Variants in UGT2B7 observed in about 807,000 individuals in gnomAD.
UGT2B7 encodes UDP glucuronosyltransferase family 2 member B7.
Under a neutral mutation model 51.9 loss-of-function variants are expected in UGT2B7, and 51 were observed. The observed-to-expected ratio is 0.98, with a 90% CI of 0.78 to 1.24. UGT2B7 has a LOEUF of 1.24. Among genes scored for constraint, UGT2B7 ranks in the 50% most tolerant of loss-of-function variants. UGT2B7 has a pLI of 0.00. For synonymous variants in UGT2B7, 225 were observed against 211.6 expected, an observed-to-expected ratio of 1.06 and a Z score of -0.55; for missense variants, 727 against 628.4, an observed-to-expected ratio of 1.16 and a Z score of -1.68.
chr4:69,064,291 C>T (rs1169656027), intron 1 of UGT2B7, among the ~76,000 whole-genome samples: 2 of 152,162 alleles, frequency 1.3e-5, no homozygotes, highest in Non-Finnish European at 2.9e-5. Context: ...TAGACCCTCC[C>T]AAAACTCCTT....
At chr4:69,095,865 C>G (rs956465960), upstream of UGT2B7, among the ~76,000 whole-genome samples, 1 of 151,978 alleles carries the variant, frequency 6.6e-6, no homozygotes, top group Non-Finnish European at 1.5e-5. Flanking sequence ...TTGTATGATT[C>G]TATGCATTAA....
intron 1 of UGT2B7, among the ~76,000 whole-genome samples, chr4:69,069,300 T>C (rs1303132353): frequency 6.6e-6 from 1 of 152,072 alleles, no homozygotes; most frequent in African/African-American, 2.4e-5. Context: ...TGATATTATT[T>C]TGAAACTTGT....
chr4:69,066,903 G>A (rs557739716), intron 1 of UGT2B7, among the ~76,000 whole-genome samples: 2 of 152,012 alleles, frequency 1.3e-5, no homozygotes, highest in Middle Eastern at 3.4e-3. Flanking sequence ...GTAAATCCTC[G>A]GTCTTTATCA....
intron 1 of UGT2B7, among the ~76,000 whole-genome samples, chr4:69,076,922 T>A (rs763658082): frequency 1.3e-5 from 2 of 152,114 alleles, no homozygotes; most frequent in Non-Finnish European, 2.9e-5. Flanking sequence ...TTAGGTCTTA[T>A]GTGTAAGTCT....
At chr4:69,072,792 A>G (rs993493283) in intron 1 of UGT2B7, among the ~76,000 whole-genome samples, 2 of 152,122 alleles carry the variant, frequency 1.3e-5, no homozygotes, top group Non-Finnish European at 2.9e-5. Context: ...CAGGATCCTG[A>G]TTCAGTATCA....
chr4:69,082,279 C>T lies in UGT2B7; in HGVS notation c.-158-7193C>T, dbSNP rs115241357. ...GGTCCCTAAGTAGAAGGGAGAGTACCACATCTTTCACTTTAAATCAAAAGC... is the reference window on the plus strand; with the variant it reads ...GGTCCCTAAGTAGAAGGGAGAGTACTACATCTTTCACTTTAAATCAAAAGC... On this transcript the variant is annotated intron_variant, in intron 1 of 5. Coordinates refer to the UGT2B7 transcript ENST00000502942. Among the ~76,000 whole-genome samples, 623 of 151,654 alleles carry T rather than the reference C, an allele frequency of 4.1e-3. 2 individuals are homozygous for T. The highest frequency in any genetic ancestry group is 0.015 in the African/African-American group (608 of 41,328).
intron 1 of UGT2B7, among the ~76,000 whole-genome samples, chr4:69,067,990 G>A (rs1328639301): frequency 6.6e-6 from 1 of 152,038 alleles, no homozygotes; most frequent in Non-Finnish European, 1.5e-5. Context: ...CTTTCAGAAT[G>A]AGAACTCATC....
chr4:69,104,017 G>A (rs6600886), intron 3 of UGT2B7, among the ~76,000 whole-genome samples: 90,029 of 151,960 alleles, frequency 0.59, 28,039 homozygotes, highest in African/African-American at 0.77. Context: ...GGCCAGGCAC[G>A]GTAGCTCACG....
intron 1 of UGT2B7, among the ~76,000 whole-genome samples, chr4:69,062,640 G>A (rs556279789): frequency 3.9e-5 from 6 of 152,172 alleles, no homozygotes. Flanking sequence ...CATCTGACCC[G>A]AATGATCCTG....
chr4:69,053,869 C>T (rs895573878), intron 1 of UGT2B7, among the ~76,000 whole-genome samples: 7 of 152,054 alleles, frequency 4.6e-5, no homozygotes, highest in African/African-American at 1.7e-4. Flanking sequence ...TGCTTTAGTC[C>T]ATTTGGCTAT....
rs368996841 is a variant in UGT2B7 at position 69,097,221 on chromosome 4, A to G, written c.701A>G (p.Gln234Arg). 2 of 1,610,294 alleles carry G rather than the reference A, an allele frequency of 1.2e-6. No individual in the cohort carries two copies. The highest frequency in any genetic ancestry group is 1.3e-5 in the African/African-American group (1 of 74,652). The change falls in exon 1 of 6, where the codon CAG becomes CGG. Residue 234 changes from glutamine (Q) to arginine (R), a missense_variant. Gln to Arg is a conservative substitution (Grantham distance 43). Coordinates refer to ENST00000305231, the MANE Select transcript of UGT2B7 (RefSeq NM_001074.4). Reference protein sequence around the residue: ...FEIFDMKKWDQFYSEVLGRPT... With the variant: ...FEIFDMKKWDRFYSEVLGRPT... The stretch of plus-strand genomic sequence containing the variant: ...ATATTTGACATGAAGAAGTGGGATC[A>G]GTTTTATAGTGAAGTTCTAGGTAAG...
At chr4:69,056,371 G>A (rs560311324) in intron 1 of UGT2B7, among the ~76,000 whole-genome samples, 9 of 152,148 alleles carry the variant, frequency 5.9e-5, no homozygotes, top group Non-Finnish European at 1.3e-4. Context: ...GTTCTTGCCC[G>A]TCAAGAGACT....
chr4:69,097,689 T>C (rs1719287249), intron 1 of UGT2B7, among the ~76,000 whole-genome samples: 1 of 152,056 alleles, frequency 6.6e-6, no homozygotes, highest in African/African-American at 2.4e-5. Context: ...CAAAAGATGT[T>C]CCCATATTAC....
rs1719465207 is a variant in UGT2B7 at position 69,102,859 on chromosome 4, C to T, written c.923C>T (p.Ser308Phe). The change falls in exon 3 of 6, where the codon TCT becomes TTT. Residue 308 changes from serine to phenylalanine, a missense_variant. Transcript: ENST00000305231. ...GGAGAAAATGGTGTTGTGGTGTTTT[C>T]TCTGGGGTCAATGGTCAGTAACATG... Reference protein sequence around the residue: ...SSGENGVVVFSLGSMVSNMTE... With the variant: ...SSGENGVVVFFLGSMVSNMTE... 6.2e-7 allele frequency: 1 copy of T among 1,613,658 alleles called. No homozygotes were observed. Among genetic ancestry groups the T allele is most frequent in the Non-Finnish European group, 8.5e-7 (1 of 1,179,750 alleles).
At chr4:69,084,974 G>T (rs1446455384) in intron 1 of UGT2B7, among the ~76,000 whole-genome samples, 1 of 152,004 alleles carries the variant, frequency 6.6e-6, no homozygotes, top group Non-Finnish European at 1.5e-5. Context: ...TAATCCTTTG[G>T]GTAGATGCCC....
chr4:69,103,852 C>G (rs1719501806), intron 3 of UGT2B7, among the ~76,000 whole-genome samples: 1 of 152,100 alleles, frequency 6.6e-6, no homozygotes, highest in Non-Finnish European at 1.5e-5. Flanking sequence ...AATATTGGCT[C>G]TGTTAGTAGT....
chr4:69,093,754 A>G (rs1293578130), upstream of UGT2B7, among the ~76,000 whole-genome samples: 1 of 152,066 alleles, frequency 6.6e-6, no homozygotes, highest in South Asian at 2.1e-4. Flanking sequence ...TTCACTCACC[A>G]CTTCCCTGGG....
chr4:69,071,477 T>C (rs967361657), intron 1 of UGT2B7, among the ~76,000 whole-genome samples: 3 of 152,126 alleles, frequency 2.0e-5, no homozygotes, highest in African/African-American at 7.2e-5. Flanking sequence ...TATTGTTCAT[T>C]ACAGCCTTTG....
intron 1 of UGT2B7, among the ~76,000 whole-genome samples, chr4:69,070,614 G>A (rs1453214068): frequency 6.6e-6 from 1 of 151,608 alleles, no homozygotes; most frequent in Admixed American, 6.6e-5. Context: ...GGAAATATGA[G>A]GAAATAAAAA....
Sources: allele counts gnomAD v4.1 joint callset (sites outside exome capture counted in the v4.1 genomes callset), GRCh38; gene constraint gnomAD v4.1.1; transcripts MANE v1.5; gene names NCBI Gene and HGNC (gene_info 2026-07-23, HGNC 2026-07-21).